The following AMZ2 variants were observed in gnomAD, a reference collection of about 807,000 sequenced individuals.
AMZ2 encodes archaelysin family metallopeptidase 2.
Under a neutral mutation model 36.7 loss-of-function variants are expected in AMZ2, and 26 were observed. That is an observed-to-expected ratio of 0.71 (90% CI 0.52 to 0.98). The LOEUF is 0.98. Among genes scored for constraint, AMZ2 ranks in the 50% least tolerant of loss-of-function variants. The pLI is 0.00. For synonymous variants in AMZ2, 144 were observed against 149.1 expected (o/e 0.97, Z 0.25); for missense variants, 394 against 430.5 (o/e 0.92, Z 0.75).
At chr17:68,247,980 G>A, upstream of AMZ2, 3 of 984,692 alleles carry the variant, frequency 3.0e-6, no homozygotes, top group Non-Finnish European at 3.6e-6. Context: ...CACAGGGCGT[G>A]CGCGACGCAG....
In AMZ2 at chr17:68,257,064, G is replaced by C; in HGVS notation, c.*95G>C. ...TTCATTGGAATAAACTACTGATCTT[G>C]TGCTGTGTCAAAGTAACAGACTAGA... On this transcript the variant is annotated 3_prime_UTR_variant, in exon 7 of 7. Transcript: ENST00000359904. The C allele has an allele frequency of 7.4e-7, 1 of 1,342,928 alleles. No individual in the cohort carries two copies. Among genetic ancestry groups the C allele is most frequent in the Non-Finnish European group, 1.0e-6 (1 of 980,614 alleles). 83.2% of individuals were successfully genotyped at this position (1,342,928 alleles called of 1,614,324 possible).
At chr17:68,227,519 A>G (rs1275921881) in intron 1 of AMZ2, among the ~76,000 whole-genome samples, 1 of 152,202 alleles carries the variant, frequency 6.6e-6, no homozygotes, top group Non-Finnish European at 1.5e-5. Flanking sequence ...TCAGTTGTGC[A>G]CTGGCTGCGG....
intron 1 of AMZ2, among the ~76,000 whole-genome samples, chr17:68,230,417 A>T (rs1180624959): frequency 1.3e-5 from 2 of 152,184 alleles, no homozygotes; most frequent in Non-Finnish European, 2.9e-5. Flanking sequence ...GAGCCCCTCC[A>T]TGCGTGCCCC....
At chr17:68,220,780 CT>C (rs1217242203) in intron 1 of AMZ2, among the ~76,000 whole-genome samples, 3 of 123,102 alleles carry the variant, frequency 2.4e-5, no homozygotes, top group Non-Finnish European at 5.1e-5. Flanking sequence ...CTTTTTCTTT[CT>C]CTTTTTTTTT....
intron 1 of AMZ2, 72 bp downstream of exon 1, chr17:68,248,777 T>C (rs1189665988): frequency 2.0e-5 from 20 of 994,748 alleles, no homozygotes; most frequent in Middle Eastern, 4.9e-4. Flanking sequence ...AGCCCAGTTG[T>C]GTAGGAGTGA....
At chr17:68,224,687 G>A (rs1425427296) in intron 1 of AMZ2, among the ~76,000 whole-genome samples, 1 of 152,032 alleles carries the variant, frequency 6.6e-6, no homozygotes, top group Non-Finnish European at 1.5e-5. Flanking sequence ...CTACAGAGGC[G>A]TGCGACAACA....
chr17:68,209,818 A>T, intron 1 of AMZ2, among the ~76,000 whole-genome samples: 1 of 151,034 alleles, frequency 6.6e-6, no homozygotes, highest in Admixed American at 6.6e-5. Flanking sequence ...ATGAGGTTTC[A>T]CCATGTTGGC....
At chr17:68,256,680 C>T in intron 6 of AMZ2, 134 bp from the exon 7 acceptor site, 3 of 820,000 alleles carry the variant, frequency 3.7e-6, no homozygotes, top group Non-Finnish European at 5.6e-6. Context: ...ATTTCATATT[C>T]ACACCATCAT....
intron 2 of AMZ2, 76 bp from the exon 3 acceptor site, chr17:68,250,718 T>G: frequency 1.5e-6 from 2 of 1,370,196 alleles, no homozygotes; most frequent in Non-Finnish European, 2.0e-6. Context: ...CTAATTTGAA[T>G]CTTCTTACTC....
In AMZ2 at chr17:68,248,633, C is replaced by T. The variant is rs1422716566; in HGVS notation, c.-73C>T. On this transcript the variant is annotated 5_prime_UTR_variant, in exon 1 of 7. Coordinates refer to ENST00000359904, the MANE Select transcript of AMZ2 (RefSeq NM_016627.5). Reference sequence around the variant, plus strand: ...AGATGAAGTCACACTCCACAACTTTCTTCCAGCCAGGCCCAGACATGTCCG... The same window carrying T: ...AGATGAAGTCACACTCCACAACTTTTTTCCAGCCAGGCCCAGACATGTCCG... 4.1e-6 allele frequency: 4 copies of T among 985,880 alleles called. No homozygotes were observed. Among genetic ancestry groups the T allele is most frequent in the Non-Finnish European group, 4.8e-6 (4 of 830,090 alleles). 61.1% of individuals were successfully genotyped at this position (985,880 alleles called of 1,614,324 possible). A position where few individuals can be genotyped will look rare whatever the true frequency, so the allele number is the denominator to read the frequency against.
At chr17:68,236,264 G>A (rs1222487660) in intron 1 of AMZ2, among the ~76,000 whole-genome samples, 3 of 152,002 alleles carry the variant, frequency 2.0e-5, no homozygotes, top group Non-Finnish European at 2.9e-5. Flanking sequence ...TATCAAATGT[G>A]TGAATATGTA....
chr17:68,209,604 G>GTGTA (rs1324576987), intron 1 of AMZ2, among the ~76,000 whole-genome samples: 3 of 117,758 alleles, frequency 2.5e-5, no homozygotes, highest in African/African-American at 1.1e-4. Context: ...GTGTGTGTGT[G>GTGTA]TATATGTATA....
intron 1 of AMZ2, among the ~76,000 whole-genome samples, chr17:68,232,640 C>T (rs183072967): frequency 3.4e-4 from 51 of 151,870 alleles, no homozygotes; most frequent in Non-Finnish European, 5.4e-4. Context: ...GTCAGGAGTT[C>T]GAGACCAGCC....
chr17:68,255,669 C>T, intron 5 of AMZ2, 31 bp from the exon 6 acceptor site: 1 of 1,598,996 alleles, frequency 6.3e-7, no homozygotes, highest in East Asian at 2.2e-5. Context: ...TGATGGTGGT[C>T]TTATAAAGCC....
At chr17:68,239,400 G>T (rs782253099) in intron 1 of AMZ2, among the ~76,000 whole-genome samples, 24 of 152,172 alleles carry the variant, frequency 1.6e-4, no homozygotes, top group Non-Finnish European at 2.8e-4. Flanking sequence ...CCTCAGGGCA[G>T]TTGATATCAG....
Position 68,248,150 on chromosome 17 carries a change from G to A in AMZ2, c.-556G>A, listed in dbSNP as rs1366778207. ...CGGGTGCTGTCAGAGCTGGGCCGGG[G>A]CCCCTAGGCAGGGTAGCCGGGTCGT... On this transcript the variant is annotated 5_prime_UTR_variant, in exon 1 of 7. Transcript: ENST00000359904. The A allele has an allele frequency of 4.1e-6, 4 of 986,288 alleles. No homozygotes were observed. Among genetic ancestry groups the A allele is most frequent in the African/African-American group, 1.7e-5 (1 of 57,272 alleles). 61.1% of individuals were successfully genotyped at this position (986,288 alleles called of 1,614,324 possible). A position where few individuals can be genotyped will look rare whatever the true frequency, so the allele number is the denominator to read the frequency against.
rs1229333462 is a variant in AMZ2, at chr17:68,207,316, C to G, written c.-67+1078C>G. 5 of 133,342 alleles carry G rather than the reference C, an allele frequency of 3.7e-5. 1 individual carries two copies. Among genetic ancestry groups the G allele is most frequent in the South Asian group, 2.7e-4 (1 of 3,678 alleles). The allele number at this position is 133,342 out of a possible 1,614,324, so 8.3% of individuals were successfully genotyped here. A position where few individuals can be genotyped will look rare whatever the true frequency, so the allele number is the denominator to read the frequency against. On this transcript the variant is annotated intron_variant, in intron 1 of 7. Transcript: ENST00000674770. Reference sequence around the variant, plus strand: ...GCTAAGATGCATTTTGTTAAATACCCCCCCCCCACAAAGGCTGCTTTGTAT... The same window carrying G: ...GCTAAGATGCATTTTGTTAAATACCGCCCCCCCACAAAGGCTGCTTTGTAT...
chr17:68,243,721 A>G (rs1201831438), upstream of AMZ2, among the ~76,000 whole-genome samples: 1 of 152,220 alleles, frequency 6.6e-6, no homozygotes, highest in South Asian at 2.1e-4. Flanking sequence ...TGCCAGGACA[A>G]TCTACCATCA....
rs1280735544 is a variant in AMZ2, at chr17:68,250,807, C to T, written c.297C>T (p.Asn99=). ...TCCATATTGTAGGCTCTCTAGGAAA[C>T]ACCAGAATTATCAGTGAAGAATATA... The part of the protein sequence containing the change: ...IYIQSIGSLG[N]TRIISEEYIK... Residue 99 remains asparagine, a synonymous_variant, in exon 3 of 7, where the codon AAC becomes AAT. Coordinates refer to ENST00000359904, the MANE Select transcript of AMZ2 (RefSeq NM_016627.5). 3.2e-6 allele frequency: 5 copies of T among 1,579,452 alleles called. No homozygotes were observed. The Admixed American group carries it at 6.3e-5, about 20-fold the overall frequency.
Sources: allele counts gnomAD v4.1 joint callset (sites outside exome capture counted in the v4.1 genomes callset), GRCh38; gene constraint gnomAD v4.1.1; transcripts MANE v1.5; gene names NCBI Gene and HGNC (gene_info 2026-07-23, HGNC 2026-07-21).